The following CDC37L1 variants were observed in gnomAD, a reference collection of about 807,000 sequenced individuals.
CDC37L1 encodes the protein cell division cycle 37 like 1, HSP90 cochaperone.
Under a neutral mutation model 45.9 loss-of-function variants are expected in CDC37L1, and 32 were observed. The ratio of observed to expected loss-of-function variants is 0.70; its 90% CI spans 0.53 to 0.94. The LOEUF (loss-of-function observed/expected upper bound fraction) is 0.94, where lower values mean the gene tolerates loss of function less well. CDC37L1 is among the 40% of genes least tolerant of loss of function. The pLI, the probability that CDC37L1 is intolerant of heterozygous loss-of-function variation, is 0.00. For synonymous variants in CDC37L1, 150 were observed against 133.0 expected, an observed-to-expected ratio of 1.13 and a Z score of -0.88; for missense variants, 434 against 405.7, an observed-to-expected ratio of 1.07 and a Z score of -0.60.
intron 3 of CDC37L1, among the ~76,000 whole-genome samples, chr9:4,690,491 GA>G (rs1489365238): frequency 1.3e-5 from 2 of 152,020 alleles, no homozygotes; most frequent in Admixed American, 1.3e-4. Flanking sequence ...GAACATCCTT[GA>G]GGGGAGAGTC....
chr9:4,689,553 C>T (rs1238199134), intron 3 of CDC37L1, among the ~76,000 whole-genome samples: 1 of 151,640 alleles, frequency 6.6e-6, no homozygotes, highest in African/African-American at 2.4e-5. Context: ...ATTCACTTTG[C>T]TCATACTTTT....
intron 4 of CDC37L1, 136 bp from the exon 5 acceptor site, chr9:4,697,621 T>C (rs1841360388): frequency 3.6e-6 from 2 of 560,122 alleles, no homozygotes; most frequent in Admixed American, 6.8e-5. Context: ...ATATACTCTT[T>C]ATATGTTTGT....
rs1481537130 is a variant in CDC37L1 at position 4,707,162 on chromosome 9, G to C, written c.*1050G>C. On this transcript the variant is annotated 3_prime_UTR_variant, in exon 7 of 7. Coordinates refer to ENST00000381854, the MANE Select transcript of CDC37L1 (RefSeq NM_017913.4). ...GTAATGATGGCATTTACAACATTTG[G>C]CATTTCCCCTTTTTCAGCTCAGTTA... 6.6e-6 allele frequency: 1 copy of C among 152,000 alleles called. No individual in the cohort carries two copies. The highest frequency in any genetic ancestry group is 1.5e-5 in the Non-Finnish European group (1 of 68,002). 9.4% of individuals were successfully genotyped at this position (152,000 alleles called of 1,614,324 possible).
intron 1 of CDC37L1, 109 bp downstream of exon 1, chr9:4,680,008 A>G (rs1649984793): frequency 7.9e-6 from 11 of 1,400,474 alleles, no homozygotes; most frequent in South Asian, 6.8e-5. Flanking sequence ...CGCCCACCTC[A>G]CTGCCAGGGG....
intron 5 of CDC37L1, 57 bp from the exon 6 acceptor site, chr9:4,701,807 A>G: frequency 7.5e-7 from 1 of 1,332,280 alleles, no homozygotes; most frequent in East Asian, 2.4e-5. Context: ...TCTGGAATTT[A>G]CTATGTCTAG....
intron 1 of CDC37L1, among the ~76,000 whole-genome samples, chr9:4,681,893 G>C (rs1427562991): frequency 6.6e-6 from 1 of 152,154 alleles, no homozygotes. Context: ...TGTAAAGGCA[G>C]ATCATGTTTA....
At chr9:4,696,935 C>G (rs1375989254) in intron 3 of CDC37L1, among the ~76,000 whole-genome samples, 161 bp from the exon 4 acceptor site, 1 of 152,174 alleles carries the variant, frequency 6.6e-6, no homozygotes. Context: ...CTCACTTGCT[C>G]TTTTACCATA....
chr9:4,682,728 C>T (rs1428160476), intron 1 of CDC37L1, among the ~76,000 whole-genome samples: 1 of 151,954 alleles, frequency 6.6e-6, no homozygotes, highest in African/African-American at 2.4e-5. Context: ...CCGCCTCAGC[C>T]TCCCAAAGTG....
intron 5 of CDC37L1, among the ~76,000 whole-genome samples, chr9:4,698,974 G>A (rs992579000): frequency 6.6e-6 from 1 of 151,986 alleles, no homozygotes; most frequent in Non-Finnish European, 1.5e-5. Context: ...ATTAATGGTA[G>A]TGTAATGAGT....
At chr9:4,689,267 A>G (rs1022943485) in intron 3 of CDC37L1, among the ~76,000 whole-genome samples, 2 of 152,090 alleles carry the variant, frequency 1.3e-5, no homozygotes, top group Non-Finnish European at 2.9e-5. Flanking sequence ...TATAGGCAGC[A>G]TGATACCGCT....
In CDC37L1 at chr9:4,707,657, CTAATT is replaced by C. The variant is rs1841456888; in HGVS notation, c.*1548_*1552del. 6.6e-6 allele frequency: 1 copy of C among 150,746 alleles called. No individual in the cohort carries two copies. The highest frequency in any genetic ancestry group is 2.4e-5 in the African/African-American group (1 of 41,090). The allele number at this position is 150,746 out of a possible 1,614,324, so 9.3% of individuals were successfully genotyped here. The stretch of plus-strand genomic sequence containing the variant: ...ATATACTCTATAATAAAATGTTTGA[CTAATT>C]TATATAGTAGTGTTTGTCAGCCTGT... On this transcript the variant is annotated 3_prime_UTR_variant, in exon 7 of 7. Coordinates refer to ENST00000381854, the MANE Select transcript of CDC37L1 (RefSeq NM_017913.4).
In CDC37L1 at chr9:4,701,840, TG is replaced by T. The variant is rs772392974; in HGVS notation, c.748-23del. The stretch of plus-strand genomic sequence containing the variant: ...TAGAAATCTTGAAGAACACAGTCTT[TG>T]TTTTTTTTTTTGTTTTTTCTAGGCA... On this transcript the variant is annotated intron_variant, in intron 5 of 6. Transcript: ENST00000381854. 171 of 1,482,012 alleles carry T rather than the reference TG, an allele frequency of 1.2e-4. 1 individual carries two copies. In the East Asian group the frequency reaches 3.1e-3, roughly 27 times the overall value. The allele number at this position is 1,482,012 out of a possible 1,614,324, so 91.8% of individuals were successfully genotyped here. A position where few individuals can be genotyped will look rare whatever the true frequency, so the allele number is the denominator to read the frequency against.
At chr9:4,699,907 C>G (rs1455296138) in intron 5 of CDC37L1, among the ~76,000 whole-genome samples, 2 of 151,918 alleles carry the variant, frequency 1.3e-5, no homozygotes, top group Admixed American at 1.3e-4. Flanking sequence ...TTTGGTTATA[C>G]TTGTGTGGTG....
At position 4,708,348 on chromosome 9, in the gene CDC37L1, C is replaced by A. The variant is rs1347693883; in HGVS notation, c.*2236C>A. 2 of 152,108 alleles carry A rather than the reference C, an allele frequency of 1.3e-5. No homozygotes were observed. The highest frequency in any genetic ancestry group is 2.4e-5 in the African/African-American group (1 of 41,434). The allele number at this position is 152,108 out of a possible 1,614,324, so 9.4% of individuals were successfully genotyped here. A position where few individuals can be genotyped will look rare whatever the true frequency, so the allele number is the denominator to read the frequency against. On this transcript the variant is annotated 3_prime_UTR_variant, in exon 7 of 7. Coordinates refer to ENST00000381854, the MANE Select transcript of CDC37L1 (RefSeq NM_017913.4). Reference sequence around the variant, plus strand: ...TTACATCAAAGTATCATCAAAGATTCTTGTTTCATTTGATAAAATTAATAT... The same window carrying A: ...TTACATCAAAGTATCATCAAAGATTATTGTTTCATTTGATAAAATTAATAT...
chr9:4,679,718 A>G lies in CDC37L1; in HGVS notation c.-50A>G. On this transcript the variant is annotated 5_prime_UTR_variant, in exon 1 of 7. Coordinates refer to ENST00000381854, the MANE Select transcript of CDC37L1 (RefSeq NM_017913.4). ...TTCCATTCACGCCAAGTCTGTTGGC[A>G]GTGGCAGTTGTAGGGCCAAGGGCGG... 6.4e-7 allele frequency: 1 copy of G among 1,555,904 alleles called. No homozygotes were observed. The highest frequency in any genetic ancestry group is 8.7e-7 in the Non-Finnish European group (1 of 1,144,184).
intron 1 of CDC37L1, among the ~76,000 whole-genome samples, chr9:4,681,367 C>G (rs1246034735): frequency 2.6e-5 from 4 of 152,114 alleles, no homozygotes; most frequent in Non-Finnish European, 5.9e-5. Context: ...AGTTAGTGGC[C>G]AGGTTAAAAC....
Position 4,689,172 on chromosome 9 carries a change from G to C in CDC37L1, c.508+566G>C, listed in dbSNP as rs534519586. On this transcript the variant is annotated intron_variant, in intron 3 of 6. Coordinates refer to ENST00000381854, the MANE Select transcript of CDC37L1 (RefSeq NM_017913.4). ...TGAGCTTGATTTCAAGGAACAGATA[G>C]GAGTTTTTCATGTATAAGGGAGGCA... Among the ~76,000 whole-genome samples the C allele has an allele frequency of 5.3e-5, 8 of 152,314 alleles. No homozygotes were observed. The East Asian group carries it at 1.5e-3, about 29-fold the overall frequency.
At chr9:4,696,818 A>G (rs1841352027) in intron 3 of CDC37L1, among the ~76,000 whole-genome samples, 1 of 152,228 alleles carries the variant, frequency 6.6e-6, no homozygotes, top group Non-Finnish European at 1.5e-5. Flanking sequence ...GGACTTTTTA[A>G]TATTGAACTG....
chr9:4,698,801 C>T (rs1477348220), intron 5 of CDC37L1, among the ~76,000 whole-genome samples: 1 of 152,070 alleles, frequency 6.6e-6, no homozygotes, highest in Non-Finnish European at 1.5e-5. Context: ...CATTTTCATT[C>T]CTCAGTAGTG....
Sources: gnomAD v4.1 joint callset for allele counts (sites outside exome capture counted in the v4.1 genomes callset) on GRCh38, gnomAD v4.1.1 for gene constraint, MANE v1.5 for transcripts, NCBI Gene and HGNC (gene_info 2026-07-23, HGNC 2026-07-21) for gene names.